The following CNNM2 variants were observed in gnomAD, a reference collection of about 807,000 sequenced individuals.
The protein encoded by CNNM2 is metal transporter CNNM2.
In CNNM2, 12 loss-of-function variants were observed where a neutral mutation model predicts 66.9. The observed-to-expected ratio is 0.18, with a 90% confidence interval of 0.11 to 0.29. CNNM2 has a LOEUF of 0.29. CNNM2 is among the 10% of genes least tolerant of loss of function. CNNM2 has a pLI of 1.00. For synonymous variants in CNNM2, 557 were observed against 501.8 expected, an observed-to-expected ratio of 1.11 and a Z score of -1.47; for missense variants, 705 against 1,167.7, an observed-to-expected ratio of 0.60 and a Z score of 5.77.
chr10:103,041,345 A>G (rs2065037668), intron 1 of CNNM2, among the ~76,000 whole-genome samples: 1 of 152,158 alleles, frequency 6.6e-6, no homozygotes, highest in Admixed American at 6.5e-5. Context: ...TTCTTCATTG[A>G]AAAGGAAGAA....
intron 1 of CNNM2, among the ~76,000 whole-genome samples, chr10:102,937,237 TAGCCC>T (rs1846269956): frequency 1.6e-5 from 2 of 125,208 alleles, no homozygotes; most frequent in Non-Finnish European, 3.6e-5. Context: ...ACTTACATGA[TAGCCC>T]TGATTAAATA....
At position 103,089,605 on chromosome 10, in the gene CNNM2, C is replaced by T; in HGVS notation, c.*12425C>T. 6.7e-7 allele frequency: 1 copy of T among 1,485,724 alleles called. No individual in the cohort carries two copies. The highest frequency in any genetic ancestry group is 8.9e-7 in the Non-Finnish European group (1 of 1,117,472). 92.0% of individuals were successfully genotyped at this position (1,485,724 alleles called of 1,614,324 possible). On this transcript the variant is annotated 3_prime_UTR_variant, in exon 8 of 8. Coordinates refer to ENST00000369878, the MANE Select transcript of CNNM2 (RefSeq NM_017649.5). Reference sequence around the variant, plus strand: ...CCCCCGAGTAGAACCCTAACAGGGACCTCGTTTGTTCCTGTGAGTCCTGCC... The same window carrying T: ...CCCCCGAGTAGAACCCTAACAGGGATCTCGTTTGTTCCTGTGAGTCCTGCC...
At chr10:103,053,558 C>T (rs1366604537) in intron 2 of CNNM2, among the ~76,000 whole-genome samples, 1 of 152,156 alleles carries the variant, frequency 6.6e-6, no homozygotes, top group African/African-American at 2.4e-5. Flanking sequence ...TACTTTGTGA[C>T]ATGCAAAAAT....
intron 1 of CNNM2, among the ~76,000 whole-genome samples, chr10:103,045,125 A>C (rs892065950): frequency 7.2e-5 from 11 of 152,248 alleles, no homozygotes; most frequent in African/African-American, 2.7e-4. Flanking sequence ...GACAGCATTC[A>C]CCAAGAATTT....
At chr10:103,041,542 C>T (rs1019727696) in intron 1 of CNNM2, among the ~76,000 whole-genome samples, 2 of 151,986 alleles carry the variant, frequency 1.3e-5, no homozygotes, top group Admixed American at 6.6e-5. Flanking sequence ...TTCGGGCCTC[C>T]GTGTTAGAAG....
In CNNM2 at chr10:102,997,952, A is replaced by C. The variant is rs12764154; in HGVS notation, c.1622-51755A>C. On this transcript the variant is annotated intron_variant, in intron 1 of 7. Transcript: ENST00000369878. ...TAGAACAAACACCTTGAGAATAAAA[A>C]GTCATGTTTAACATGACTTGCACTG... Among the ~76,000 whole-genome samples the C allele has an allele frequency of 0.2, 30,902 of 152,130 alleles. 3,285 individuals carry two copies. Among genetic ancestry groups the C allele is most frequent in the Non-Finnish European group, 0.22 (15,062 of 67,962 alleles).
In CNNM2 at chr10:102,948,381, A is replaced by G. The variant is rs530928389; in HGVS notation, c.1621+28280A>G. Among the ~76,000 whole-genome samples, 111 of 152,234 alleles carry G rather than the reference A, an allele frequency of 7.3e-4. 1 individual carries two copies. Among genetic ancestry groups the G allele is most frequent in the African/African-American group, 2.6e-3 (108 of 41,556 alleles). On this transcript the variant is annotated intron_variant, in intron 1 of 7. Coordinates refer to ENST00000369878, the MANE Select transcript of CNNM2 (RefSeq NM_017649.5). ...TGACAGATAAGTAGGCGTCAACTAG[A>G]GGAAATTTGGGTGTGGAAAAGAGAC...
In CNNM2 at chr10:103,090,211, A is replaced by T. The variant is rs1284553435; in HGVS notation, c.*13031A>T. On this transcript the variant is annotated 3_prime_UTR_variant, in exon 8 of 8. Transcript: ENST00000369878. ...TCCTGAAACAGATCAGAATAAAGGAATGTAAAAACCACATTTTCTTTTTCT... is the reference window on the plus strand; with the variant it reads ...TCCTGAAACAGATCAGAATAAAGGATTGTAAAAACCACATTTTCTTTTTCT... The T allele has an allele frequency of 2.8e-6, 1 of 352,240 alleles. No individual in the cohort carries two copies. The highest frequency in any genetic ancestry group is 5.1e-6 in the Non-Finnish European group (1 of 194,976). 21.8% of individuals were successfully genotyped at this position (352,240 alleles called of 1,614,324 possible).
chr10:103,068,796 T>G, intron 5 of CNNM2, 74 bp downstream of exon 5: 2 of 1,194,758 alleles, frequency 1.7e-6, no homozygotes, highest in Non-Finnish European at 2.4e-6. Flanking sequence ...TCATCTTGCT[T>G]TCTGTATCTG....
intron 1 of CNNM2, among the ~76,000 whole-genome samples, chr10:102,925,548 A>C (rs2134159548): frequency 6.6e-6 from 1 of 152,294 alleles, no homozygotes; most frequent in South Asian, 2.1e-4. Flanking sequence ...AGGGCCACCT[A>C]CCTAGCTAGT....
chr10:102,977,336 A>G (rs1240834083), intron 1 of CNNM2, among the ~76,000 whole-genome samples: 5 of 152,204 alleles, frequency 3.3e-5, no homozygotes, highest in Non-Finnish European at 7.3e-5. Context: ...GAAATGCTCC[A>G]GTGAACATTT....
At chr10:102,998,011 C>T (rs147364164) in intron 1 of CNNM2, among the ~76,000 whole-genome samples, 1 of 152,120 alleles carries the variant, frequency 6.6e-6, no homozygotes, top group East Asian at 1.9e-4. Context: ...GGCTTTATGT[C>T]AGTGTTCAAG....
Position 102,919,260 on chromosome 10 carries a change from C to T in CNNM2, c.780C>T (p.Ile260=). ...TGCTGCCCTTCTGGCTGCAGGTGAT[C>T]TTCATTTCGCTGCTGCTGTGCCTGT... ...KFLLPFWLQV[I]FISLLLCLSG... The change falls in exon 1 of 8, where the codon ATC becomes ATT. Residue 260 remains isoleucine (I), a synonymous_variant. Transcript: ENST00000369878. 1 of 1,613,830 alleles carries T rather than the reference C, an allele frequency of 6.2e-7. No homozygotes were observed.
chr10:103,004,965 A>G (rs774153272), intron 1 of CNNM2, among the ~76,000 whole-genome samples: 2 of 152,092 alleles, frequency 1.3e-5, no homozygotes, highest in Non-Finnish European at 2.9e-5. Flanking sequence ...ATAGCCCTCC[A>G]TTATTGAATG....
intron 1 of CNNM2, among the ~76,000 whole-genome samples, chr10:102,977,563 A>G (rs774557439): frequency 5.3e-5 from 8 of 152,218 alleles, no homozygotes; most frequent in Non-Finnish European, 1.0e-4. Flanking sequence ...GCTCATGCCT[A>G]TAATCCCAGC....
At chr10:102,967,702 T>C (rs1374701165) in intron 1 of CNNM2, among the ~76,000 whole-genome samples, 1 of 152,210 alleles carries the variant, frequency 6.6e-6, no homozygotes, top group Admixed American at 6.5e-5. Flanking sequence ...TGTCCAGGTT[T>C]AGGCTGTTAT....
In CNNM2 at chr10:102,967,522, A is replaced by G. The variant is rs10883811; in HGVS notation, c.1621+47421A>G. ...CTAGAAATTTCCTATAAAAGGAATC[A>G]TAGGTAGTCTTTTTTGTTTGGCTAC... On this transcript the variant is annotated intron_variant, in intron 1 of 7. Transcript: ENST00000369878. Among the ~76,000 whole-genome samples, 47,536 of 152,078 alleles carry G rather than the reference A, an allele frequency of 0.31. 7,557 individuals are homozygous for G. The highest frequency in any genetic ancestry group is 0.37 in the Middle Eastern group (109 of 294).
At chr10:102,955,274 G>A (rs559426661) in intron 1 of CNNM2, among the ~76,000 whole-genome samples, 115 of 152,274 alleles carry the variant, frequency 7.6e-4, no homozygotes, top group African/African-American at 2.6e-3. Flanking sequence ...GCAAGAAATG[G>A]GGAAGGGATT....
chr10:102,923,798 A>G (rs551868733), intron 1 of CNNM2, among the ~76,000 whole-genome samples: 50 of 152,188 alleles, frequency 3.3e-4, no homozygotes, highest in Non-Finnish European at 5.3e-4. Context: ...TGTACTAACA[A>G]TGTGCTGTAC....
Sources: allele counts gnomAD v4.1 joint callset (sites outside exome capture counted in the v4.1 genomes callset), GRCh38; gene constraint gnomAD v4.1.1; transcripts MANE v1.5; gene names NCBI Gene and HGNC (gene_info 2026-07-23, HGNC 2026-07-21).